The following RNF13 variants were observed in gnomAD, a reference collection of about 807,000 sequenced individuals.
The protein encoded by RNF13 is E3 ubiquitin-protein ligase RNF13.
RNF13 carries 19 observed loss-of-function variants against 37.7 expected under a neutral mutation model. The observed-to-expected ratio is 0.50, with a 90% CI of 0.35 to 0.74. The LOEUF is 0.74. RNF13 is among the 30% of genes least tolerant of loss of function. The probability of loss-of-function intolerance (pLI) is 0.01; values close to 1 mark genes in which losing one functional copy is unlikely to be tolerated. For missense variants in RNF13, 375 were observed against 453.0 expected (o/e 0.83, Z 1.56); for synonymous variants, 144 against 157.8 (o/e 0.91, Z 0.65).
intron 3 of RNF13, among the ~76,000 whole-genome samples, chr3:149,853,485 A>AGG (rs1553754714): frequency 6.6e-6 from 1 of 151,552 alleles, no homozygotes; most frequent in African/African-American, 2.4e-5. Flanking sequence ...AGAGAGAGAG[A>AGG]GAGAGAGAGA....
At chr3:149,911,831 G>C in intron 6 of RNF13, 147 bp from the exon 7 acceptor site, 1 of 595,912 alleles carries the variant, frequency 1.7e-6, no homozygotes, top group South Asian at 2.2e-5. Flanking sequence ...ATTATTGAAA[G>C]TCATATTTTA....
intron 8 of RNF13, among the ~76,000 whole-genome samples, chr3:149,953,302 T>C (rs1280037411): frequency 6.6e-6 from 1 of 152,258 alleles, no homozygotes; most frequent in African/African-American, 2.4e-5. Flanking sequence ...GCTCTTTCCC[T>C]CAGTGGAGTC....
chr3:149,827,527 T>G (rs1200756115), intron 1 of RNF13, among the ~76,000 whole-genome samples: 1 of 152,174 alleles, frequency 6.6e-6, no homozygotes, highest in Non-Finnish European at 1.5e-5. Context: ...ATATTAATAT[T>G]AAACACCTAA....
intron 8 of RNF13, among the ~76,000 whole-genome samples, chr3:149,933,154 A>T (rs1463531452): frequency 6.6e-6 from 1 of 152,002 alleles, no homozygotes; most frequent in Non-Finnish European, 1.5e-5. Context: ...GGATGCAGGG[A>T]GCAGCCTCTT....
chr3:149,884,699 A>G (rs891998704), intron 4 of RNF13, among the ~76,000 whole-genome samples: 1 of 152,188 alleles, frequency 6.6e-6, no homozygotes, highest in Non-Finnish European at 1.5e-5. Context: ...TAATAATCAC[A>G]TCATAGAAAA....
chr3:149,873,125 A>G (rs996519721), intron 4 of RNF13, among the ~76,000 whole-genome samples: 3 of 152,224 alleles, frequency 2.0e-5, no homozygotes, highest in African/African-American at 2.4e-5. Flanking sequence ...TATAATAATT[A>G]CAGGTTGCTT....
Position 149,863,436 on chromosome 3 carries a change from A to G in RNF13, c.196-8593A>G, listed in dbSNP as rs539539898. Among the ~76,000 whole-genome samples the G allele has an allele frequency of 6.8e-4, 103 of 152,136 alleles. 2 individuals are homozygous for G. The South Asian group carries it at 0.013, about 20-fold the overall frequency. ...GCTCTGTCATGCAGGCTGGAGTGCA[A>G]TGGTGCAATCTCAGCTCACTGCAAG... is the stretch of plus-strand genomic sequence containing the variant. On this transcript the variant is annotated intron_variant, in intron 3 of 9. Coordinates refer to ENST00000392894, the MANE Select transcript of RNF13 (RefSeq NM_183381.3).
chr3:149,833,433 T>C (rs1438305757), intron 1 of RNF13, among the ~76,000 whole-genome samples: 1 of 152,210 alleles, frequency 6.6e-6, no homozygotes, highest in Non-Finnish European at 1.5e-5. Context: ...ATGACCAAGT[T>C]GGACTTATTC....
rs1280448784 is a variant in RNF13 at position 149,916,368 on chromosome 3, G to C, written c.606+4285G>C. The stretch of plus-strand genomic sequence containing the variant: ...CATATCCATCTGTGCCTTTCACAAT[G>C]TTGTCAGAAATTATTGCCTTATTAG... On this transcript the variant is annotated intron_variant, in intron 7 of 9. Transcript: ENST00000392894. Among the ~76,000 whole-genome samples, 5 of 152,252 alleles carry C rather than the reference G, an allele frequency of 3.3e-5. No individual in the cohort carries two copies. In the East Asian group the frequency reaches 9.6e-4, roughly 29 times the overall value.
chr3:149,859,499 A>G lies in RNF13; in HGVS notation c.195+6903A>G, dbSNP rs191600499. On this transcript the variant is annotated intron_variant, in intron 3 of 9. Coordinates refer to ENST00000392894, the MANE Select transcript of RNF13 (RefSeq NM_183381.3). ...CTTAGAGAAGAGGGGAGATAAAGAC[A>G]CACACACACAGAGGAAGTCAAAGGA... Among the ~76,000 whole-genome samples, 15 of 144,360 alleles carry G rather than the reference A, an allele frequency of 1.0e-4. No homozygotes were observed. The East Asian group carries it at 2.7e-3, about 26-fold the overall frequency. 94.7% of individuals were successfully genotyped at this position (144,360 alleles called of 152,430 possible).
At chr3:149,895,159 G>C in intron 4 of RNF13, 1 of 201,240 alleles carries the variant, frequency 5.0e-6, no homozygotes, top group East Asian at 1.1e-4. Context: ...TTTTACATAT[G>C]ACAAGAATAT....
chr3:149,831,725 A>G (rs1047678431), intron 1 of RNF13, among the ~76,000 whole-genome samples: 1 of 152,154 alleles, frequency 6.6e-6, no homozygotes, highest in Non-Finnish European at 1.5e-5. Context: ...ATATGAGGAC[A>G]TGAGATTTGG....
intron 4 of RNF13, among the ~76,000 whole-genome samples, chr3:149,879,582 A>T (rs772560508): frequency 4.6e-5 from 7 of 152,156 alleles, no homozygotes; most frequent in Non-Finnish European, 7.4e-5. Flanking sequence ...TGCTGAGATT[A>T]CAGATGTGAA....
intron 3 of RNF13, among the ~76,000 whole-genome samples, chr3:149,863,805 C>T (rs578086637): frequency 6.6e-6 from 1 of 152,232 alleles, no homozygotes; most frequent in Non-Finnish European, 1.5e-5. Context: ...GTAGTTATTA[C>T]ATTTAACCTC....
chr3:149,850,258 G>T (rs1008094131), intron 2 of RNF13, among the ~76,000 whole-genome samples: 2 of 152,174 alleles, frequency 1.3e-5, no homozygotes, highest in African/African-American at 4.8e-5. Flanking sequence ...AGGATTACAG[G>T]TGTGAGCCAC....
At chr3:149,932,570 C>T (rs185076181) in intron 8 of RNF13, among the ~76,000 whole-genome samples, 2 of 152,284 alleles carry the variant, frequency 1.3e-5, no homozygotes, top group East Asian at 3.9e-4. Context: ...GAGGAATTGG[C>T]CAAAAGAAAG....
rs764978515 is a variant in RNF13 at position 149,912,045 on chromosome 3, A to G, written c.568A>G (p.Ile190Val). 4 of 1,591,608 alleles carry G rather than the reference A, an allele frequency of 2.5e-6. No individual in the cohort carries two copies. The highest frequency in any genetic ancestry group is 1.3e-5 in the African/African-American group (1 of 74,398). Residue 190 changes from isoleucine to valine, a missense_variant, in exon 7 of 10, where the codon ATA (isoleucine) becomes GTA (valine). By Grantham distance (29) the Ile-to-Val change is conservative. Transcript: ENST00000392894. ...LEYYLIPFLIIVGICLILIVI... is the reference protein window; with the variant it reads ...LEYYLIPFLIVVGICLILIVI... ...ATACTACCTAATTCCCTTCCTTATC[A>G]TAGTGGGCATCTGTCTCATCTTGAT...
intron 7 of RNF13, among the ~76,000 whole-genome samples, chr3:149,918,199 A>G (rs1348588764): frequency 6.6e-6 from 1 of 152,148 alleles, no homozygotes; most frequent in Non-Finnish European, 1.5e-5. Context: ...TTCTTTTTGT[A>G]TAGTGTCTTT....
chr3:149,942,214 C>A lies in RNF13; in HGVS notation c.701-17842C>A, dbSNP rs551834782. On this transcript the variant is annotated intron_variant, in intron 8 of 9. Coordinates refer to ENST00000392894, the MANE Select transcript of RNF13 (RefSeq NM_183381.3). ...ATAGTCCCTTGAGAATTTTACGATG[C>A]TTTTTTCTGTTTCTGCAAAAAATGT... Among the ~76,000 whole-genome samples the A allele has an allele frequency of 2.0e-5, 3 of 152,080 alleles. No homozygotes were observed. The South Asian group carries it at 6.2e-4, about 32-fold the overall frequency.
Sources: gnomAD v4.1 joint callset for allele counts (sites outside exome capture counted in the v4.1 genomes callset) on GRCh38, gnomAD v4.1.1 for gene constraint, MANE v1.5 for transcripts, NCBI Gene and HGNC (gene_info 2026-07-23, HGNC 2026-07-21) for gene names.